Variants in PDE1C observed in about 807,000 individuals in gnomAD.
PDE1C encodes the protein dual specificity calcium/calmodulin-dependent 3',5'-cyclic nucleotide phosphodiesterase 1C.
A neutral mutation model predicts 93.1 loss-of-function variants in PDE1C; 62 were observed. The observed-to-expected ratio is 0.67, with a 90% CI of 0.54 to 0.82. The LOEUF is 0.82. PDE1C is among the 40% of genes least tolerant of loss of function. The pLI, the probability that PDE1C is intolerant of heterozygous loss-of-function variation, is 0.00. For missense variants in PDE1C, 742 were observed against 884.6 expected (o/e 0.84, Z 2.04); for synonymous variants, 325 against 310.1 (o/e 1.05, Z -0.50).
chr7:32,286,099 G>A (rs927864716), intron 1 of PDE1C, among the ~76,000 whole-genome samples: 5 of 152,188 alleles, frequency 3.3e-5, no homozygotes, highest in African/African-American at 9.7e-5. Flanking sequence ...GGTTGTTTGA[G>A]CTTTCTGTTG....
the PDE1C span, among the ~76,000 whole-genome samples, chr7:31,701,183 T>A: frequency 6.6e-6 from 1 of 152,224 alleles, no homozygotes; most frequent in South Asian, 2.1e-4. Flanking sequence ...GTATTCTAGA[T>A]GCCATTAAGA....
the PDE1C span, among the ~76,000 whole-genome samples, chr7:31,719,265 G>A: frequency 2.6e-5 from 4 of 152,144 alleles, no homozygotes; most frequent in Admixed American, 6.5e-5. Context: ...GATGGACCTC[G>A]CAAGTGAGGA....
intron 3 of PDE1C, among the ~76,000 whole-genome samples, chr7:32,081,909 G>T (rs182148604): frequency 1.3e-5 from 2 of 152,180 alleles, no homozygotes; most frequent in African/African-American, 4.8e-5. Context: ...GAACAGCTCC[G>T]GTCTACAGCT....
chr7:32,283,042 T>C (rs140053215), intron 1 of PDE1C, among the ~76,000 whole-genome samples: 57 of 152,320 alleles, frequency 3.7e-4, no homozygotes, highest in African/African-American at 1.3e-3. Flanking sequence ...GTGTCAAATA[T>C]AGTCAATTCT....
chr7:32,004,951 G>A (rs1785994306), intron 2 of PDE1C, among the ~76,000 whole-genome samples: 1 of 152,116 alleles, frequency 6.6e-6, no homozygotes, highest in Non-Finnish European at 1.5e-5. Context: ...ATTTCCATGA[G>A]GTAATTTATT....
chr7:31,661,662 G>A, the PDE1C span, among the ~76,000 whole-genome samples: 1 of 151,574 alleles, frequency 6.6e-6, no homozygotes, highest in African/African-American at 2.4e-5. Flanking sequence ...GCAGTGAGCC[G>A]AGATCCCACC....
intron 6 of PDE1C, among the ~76,000 whole-genome samples, chr7:31,869,947 A>C (rs1795732350): frequency 6.6e-6 from 1 of 152,112 alleles, no homozygotes; most frequent in Non-Finnish European, 1.5e-5. Context: ...ACTAGAAATC[A>C]ATAACAAGAG....
rs189588407 is a variant in PDE1C at position 32,040,445 on chromosome 7, G to C, written c.128+11109C>G. Among the ~76,000 whole-genome samples, 11 of 152,236 alleles carry C rather than the reference G, an allele frequency of 7.2e-5. No homozygotes were observed. In the East Asian group the frequency reaches 1.9e-3, roughly 27 times the overall value. ...ATACCAGTAATATACCCCATATCCA[G>C]AAGTGACAACCAAAAACTGTCTGTA... On this transcript the variant is annotated intron_variant, in intron 2 of 17. Transcript: ENST00000396191.
chr7:32,321,289 C>T (rs1239465447), intron 1 of PDE1C, among the ~76,000 whole-genome samples: 1 of 152,120 alleles, frequency 6.6e-6, no homozygotes, highest in Admixed American at 6.5e-5. Context: ...AAAAACACAG[C>T]GCAGATGAGT....
At chr7:32,168,844 A>G (rs905137561) in intron 3 of PDE1C, among the ~76,000 whole-genome samples, 3 of 152,210 alleles carry the variant, frequency 2.0e-5, no homozygotes, top group Admixed American at 6.5e-5. Context: ...GCAATTACAC[A>G]TATCACCTGG....
At chr7:31,766,304 A>T (rs966781067) in intron 17 of PDE1C, among the ~76,000 whole-genome samples, 4 of 152,018 alleles carry the variant, frequency 2.6e-5, no homozygotes, top group Admixed American at 2.6e-4. Flanking sequence ...GAATGGCGTG[A>T]ACCTGGGAGG....
intron 3 of PDE1C, among the ~76,000 whole-genome samples, chr7:32,114,042 T>G (rs1798837695): frequency 2.0e-5 from 3 of 152,118 alleles, no homozygotes; most frequent in Non-Finnish European, 4.4e-5. Context: ...ATCGTGAAAA[T>G]GGCCATACTA....
intron 2 of PDE1C, among the ~76,000 whole-genome samples, chr7:32,192,314 A>G (rs1804289992): frequency 6.6e-6 from 1 of 152,090 alleles, no homozygotes; most frequent in African/African-American, 2.4e-5. Flanking sequence ...TGTTTTTTCT[A>G]TAAGCTTCAC....
At chr7:31,940,820 G>A (rs1377643462) in intron 2 of PDE1C, among the ~76,000 whole-genome samples, 2 of 151,994 alleles carry the variant, frequency 1.3e-5, no homozygotes, top group East Asian at 3.9e-4. Context: ...GTTTCACTCT[G>A]AGCATCCTGA....
At chr7:31,637,116 T>C in the PDE1C span, among the ~76,000 whole-genome samples, 4 of 152,052 alleles carry the variant, frequency 2.6e-5, no homozygotes, top group Admixed American at 2.6e-4. Context: ...TGTGCCACAT[T>C]TTCTTAATCC....
intron 9 of PDE1C, among the ~76,000 whole-genome samples, chr7:31,840,609 G>C (rs1422699330): frequency 6.6e-6 from 1 of 152,008 alleles, no homozygotes; most frequent in Non-Finnish European, 1.5e-5. Context: ...AACCAATTTT[G>C]AGCTATTTTT....
the PDE1C span, chr7:31,707,340 T>C: frequency 1.9e-5 from 27 of 1,440,814 alleles, no homozygotes; most frequent in African/African-American, 3.0e-4. Flanking sequence ...TGTGGTGACC[T>C]AGAGAAAAAA....
chr7:32,346,839 C>T (rs1465497371), intron 1 of PDE1C, among the ~76,000 whole-genome samples: 2 of 152,128 alleles, frequency 1.3e-5, no homozygotes, highest in African/African-American at 4.8e-5. Flanking sequence ...TCAAAGACTA[C>T]ACATGGCATG....
At chr7:32,360,102 T>G (rs1412938582) in intron 1 of PDE1C, among the ~76,000 whole-genome samples, 1 of 152,144 alleles carries the variant, frequency 6.6e-6, no homozygotes, top group Non-Finnish European at 1.5e-5. Context: ...AGACTCTCCC[T>G]TGGTATTCAG....
Sources: allele counts gnomAD v4.1 joint callset (sites outside exome capture counted in the v4.1 genomes callset), GRCh38; gene constraint gnomAD v4.1.1; transcripts MANE v1.5; gene names NCBI Gene and HGNC (gene_info 2026-07-23, HGNC 2026-07-21).